The following AGBL4 variants were observed in gnomAD, a reference collection of about 807,000 sequenced individuals.
AGBL4 encodes AGBL carboxypeptidase 4.
A neutral mutation model predicts 66.4 loss-of-function variants in AGBL4; 58 were observed. The observed-to-expected ratio is 0.87, with a 90% CI of 0.71 to 1.09. The LOEUF (loss-of-function observed/expected upper bound fraction) is 1.09, where lower values mean the gene tolerates loss of function less well. AGBL4 is among the 50% of genes least tolerant of loss of function. The pLI is 0.00. For synonymous variants in AGBL4, 234 were observed against 222.9 expected (o/e 1.05, Z -0.44); for missense variants, 579 against 631.0 (o/e 0.92, Z 0.88).
chr1:49,616,372 T>C (rs545656729), intron 3 of AGBL4, among the ~76,000 whole-genome samples: 5 of 152,312 alleles, frequency 3.3e-5, no homozygotes, highest in African/African-American at 4.8e-5. Context: ...GGTTTTACTA[T>C]ATTATACTGT....
chr1:48,812,673 C>T (rs558281894), intron 6 of AGBL4, among the ~76,000 whole-genome samples: 6 of 152,194 alleles, frequency 3.9e-5, no homozygotes, highest in East Asian at 3.9e-4. Flanking sequence ...ATGTTTATTG[C>T]GGCACTATTC....
intron 5 of AGBL4, among the ~76,000 whole-genome samples, chr1:48,961,187 G>A (rs773769952): frequency 6.6e-6 from 1 of 152,174 alleles, no homozygotes; most frequent in Non-Finnish European, 1.5e-5. Flanking sequence ...GAACTGCAGG[G>A]CAGGGTAAGA....
In AGBL4 at chr1:48,534,932, A is replaced by C. The variant is rs1189740430; in HGVS notation, c.1365-16T>G. ...TTCTTTATTTCTAAAATAGGAGAAA[A>C]ATTCATGTCCTTCCTGCCTCTTAGG... On this transcript the variant is annotated splice_polypyrimidine_tract_variant and intron_variant, in intron 12 of 13. Transcript: ENST00000371839. 2 of 1,550,758 alleles carry C rather than the reference A, an allele frequency of 1.3e-6. No homozygotes were observed. The highest frequency in any genetic ancestry group is 2.0e-5 in the Admixed American group (1 of 50,972).
rs368061173 is a variant in AGBL4, at chr1:49,314,229, A to G, written c.283-68365T>C. ...TCTATTCTGTTCCATTGGTCTATGT[A>G]TCTGTTACTTTTTTGTATTATACTG... is the stretch of plus-strand genomic sequence containing the variant. On this transcript the variant is annotated intron_variant, in intron 3 of 13. Transcript: ENST00000371839. Among the ~76,000 whole-genome samples the G allele has an allele frequency of 3.3e-4, 50 of 151,982 alleles. 1 individual carries two copies. The South Asian group carries it at 9.6e-3, about 29-fold the overall frequency.
intron 2 of AGBL4, among the ~76,000 whole-genome samples, chr1:49,750,378 GT>G (rs1278435018): frequency 6.6e-6 from 1 of 152,092 alleles, no homozygotes; most frequent in Non-Finnish European, 1.5e-5. Context: ...ATTTTGTCAG[GT>G]TTGTCAAAGA....
At chr1:49,217,309 G>A (rs1022670453) in intron 4 of AGBL4, among the ~76,000 whole-genome samples, 25 of 151,840 alleles carry the variant, frequency 1.6e-4, no homozygotes, top group Admixed American at 1.3e-3. Context: ...CCCCATTTAC[G>A]TTTTTCTTTC....
intron 11 of AGBL4, among the ~76,000 whole-genome samples, chr1:48,568,027 A>G (rs1644503285): frequency 6.6e-6 from 1 of 152,176 alleles, no homozygotes; most frequent in Admixed American, 6.5e-5. Flanking sequence ...AGCTGGAAGC[A>G]GAGAAGATGC....
intron 11 of AGBL4, among the ~76,000 whole-genome samples, chr1:48,570,691 T>C (rs1644547989): frequency 2.0e-5 from 3 of 152,156 alleles, no homozygotes; most frequent in Admixed American, 2.0e-4. Flanking sequence ...CCCAGCTTTC[T>C]AAAACTCAGG....
At chr1:49,521,243 A>T (rs1215608192) in intron 3 of AGBL4, among the ~76,000 whole-genome samples, 1 of 152,124 alleles carries the variant, frequency 6.6e-6, no homozygotes, top group East Asian at 1.9e-4. Context: ...GTTATTTTTC[A>T]CAGAATTAAA....
intron 5 of AGBL4, among the ~76,000 whole-genome samples, chr1:49,007,498 C>G (rs1248953975): frequency 2.7e-5 from 4 of 148,384 alleles, no homozygotes; most frequent in Non-Finnish European, 4.5e-5. Context: ...CAAGGCAGGC[C>G]AACGTTCAGA....
chr1:49,402,531 A>G (rs1266537705), intron 3 of AGBL4, among the ~76,000 whole-genome samples: 1 of 151,318 alleles, frequency 6.6e-6, no homozygotes, highest in East Asian at 1.9e-4. Context: ...CATTGTGGTC[A>G]GAGAAGATGC....
chr1:48,550,031 A>G (rs543747167), intron 11 of AGBL4, among the ~76,000 whole-genome samples: 1 of 152,186 alleles, frequency 6.6e-6, no homozygotes, highest in African/African-American at 2.4e-5. Context: ...GTGAAATGCA[A>G]TTCCACAGAG....
chr1:49,634,012 A>G, intron 3 of AGBL4, among the ~76,000 whole-genome samples: 1 of 151,448 alleles, frequency 6.6e-6, no homozygotes, highest in Non-Finnish European at 1.5e-5. Context: ...ACATACTATC[A>G]ATAATTTAAA....
chr1:49,090,314 A>G (rs2147977253), intron 4 of AGBL4, among the ~76,000 whole-genome samples: 1 of 152,312 alleles, frequency 6.6e-6, no homozygotes, highest in South Asian at 2.1e-4. Context: ...TTTGCAGACT[A>G]TATAATTCTA....
rs553806080 is a variant in AGBL4 at position 49,206,666 on chromosome 1, A to T, written c.377+39104T>A. Among the ~76,000 whole-genome samples, 3 of 152,172 alleles carry T rather than the reference A, an allele frequency of 2.0e-5. No individual in the cohort carries two copies. The South Asian group carries it at 6.2e-4, about 32-fold the overall frequency. On this transcript the variant is annotated intron_variant, in intron 4 of 13. Transcript: ENST00000371839. ...TAGGCTTTAGGAATTTGTTATCTGCATTTGGGCCATACACTGCACCTGCGT... is the reference window on the plus strand; with the variant it reads ...TAGGCTTTAGGAATTTGTTATCTGCTTTTGGGCCATACACTGCACCTGCGT...
At chr1:48,653,747 C>T (rs1401356465) in intron 7 of AGBL4, among the ~76,000 whole-genome samples, 2 of 152,158 alleles carry the variant, frequency 1.3e-5, no homozygotes, top group South Asian at 2.1e-4. Flanking sequence ...GATATTTGAG[C>T]TGTGCTTTCA....
chr1:49,860,049 C>G (rs943320082), intron 1 of AGBL4, among the ~76,000 whole-genome samples: 1 of 151,846 alleles, frequency 6.6e-6, no homozygotes, highest in Non-Finnish European at 1.5e-5. Context: ...AAACTAGAAC[C>G]ACTGATAAAT....
intron 4 of AGBL4, among the ~76,000 whole-genome samples, chr1:49,153,511 C>A (rs1173064552): frequency 6.6e-6 from 1 of 152,058 alleles, no homozygotes; most frequent in Non-Finnish European, 1.5e-5. Context: ...TTTCTCTATG[C>A]ACATCACTCC....
chr1:49,871,654 A>G (rs533809408), intron 1 of AGBL4, among the ~76,000 whole-genome samples: 2 of 152,254 alleles, frequency 1.3e-5, no homozygotes, highest in South Asian at 4.1e-4. Flanking sequence ...CAAATGTAAA[A>G]TGTTGTTTAA....
Sources: allele counts gnomAD v4.1 joint callset (sites outside exome capture counted in the v4.1 genomes callset), GRCh38; gene constraint gnomAD v4.1.1; transcripts MANE v1.5; gene names NCBI Gene and HGNC (gene_info 2026-07-23, HGNC 2026-07-21).